WDFY2: variants seen among roughly 807,000 people sequenced by gnomAD.
WDFY2 encodes the protein WD repeat and FYVE domain containing 2, also known as WD repeat and FYVE domain-containing protein 2.
Under a neutral mutation model 56.4 loss-of-function variants are expected in WDFY2, and 36 were observed. That is an observed-to-expected ratio of 0.64 (90% CI 0.49 to 0.84). The LOEUF (loss-of-function observed/expected upper bound fraction) is 0.84. Ranked by LOEUF, WDFY2 falls within the 40% of genes least tolerant of loss-of-function variation. WDFY2 has a pLI of 0.00. For missense variants in WDFY2, 444 were observed against 512.2 expected, an observed-to-expected ratio of 0.87 and a Z score of 1.29; for synonymous variants, 176 against 183.7, an observed-to-expected ratio of 0.96 and a Z score of 0.34.
intron 1 of WDFY2, among the ~76,000 whole-genome samples, chr13:51,637,963 G>A (rs971826836): frequency 3.9e-5 from 6 of 152,180 alleles, no homozygotes; most frequent in Admixed American, 3.3e-4. Context: ...CTAGAGGCTA[G>A]GAATACCTAA....
chr13:51,632,882 T>C (rs1042853291), intron 1 of WDFY2, among the ~76,000 whole-genome samples: 4 of 152,224 alleles, frequency 2.6e-5, no homozygotes, highest in South Asian at 2.1e-4. Flanking sequence ...TTGTTCATTA[T>C]TGGTAACTGA....
chr13:51,673,393 A>G (rs1025221834), intron 2 of WDFY2, among the ~76,000 whole-genome samples: 2 of 152,186 alleles, frequency 1.3e-5, no homozygotes, highest in Non-Finnish European at 2.9e-5. Flanking sequence ...TGAGGCTGCA[A>G]TCGAGTTTTG....
At chr13:51,627,388 A>G (rs1954855907) in intron 1 of WDFY2, among the ~76,000 whole-genome samples, 1 of 151,666 alleles carries the variant, frequency 6.6e-6, no homozygotes, top group Non-Finnish European at 1.5e-5. Flanking sequence ...TCTTTTTTTT[A>G]ATGGAGTCTT....
Position 51,744,143 on chromosome 13 carries a change from G to A in WDFY2, c.725+4968G>A, listed in dbSNP as rs188049432. 4.0e-3 allele frequency among the ~76,000 whole-genome samples: 614 copies of A among 152,330 alleles called. 1 individual carries two copies. Among genetic ancestry groups the A allele is most frequent in the Non-Finnish European group, 6.9e-3 (468 of 68,024 alleles). The stretch of plus-strand genomic sequence containing the variant: ...ACCTCACTTGTGTGGATTGCTCACA[G>A]CCTTCTCTGGTCCTTGGAGCTTGGA... On this transcript the variant is annotated intron_variant, in intron 7 of 11. Transcript: ENST00000298125.
chr13:51,667,879 CTTTTTTT>C (rs66771214), intron 2 of WDFY2, among the ~76,000 whole-genome samples: 28 of 50,046 alleles, frequency 5.6e-4, no homozygotes, highest in African/African-American at 2.2e-3. Context: ...TGAGGAACTT[CTTTTTTT>C]TTTTTTTTTT....
chr13:51,608,174 C>T (rs543438070), intron 1 of WDFY2, among the ~76,000 whole-genome samples: 3 of 152,244 alleles, frequency 2.0e-5, no homozygotes, highest in African/African-American at 4.8e-5. Context: ...TTTTAAGCCA[C>T]AAATTTGTAA....
chr13:51,699,427 G>A (rs1951938897), intron 3 of WDFY2, among the ~76,000 whole-genome samples: 1 of 152,170 alleles, frequency 6.6e-6, no homozygotes, highest in Non-Finnish European at 1.5e-5. Context: ...TCTCCGCTTT[G>A]CTTTGCTTTA....
chr13:51,674,426 C>T (rs1185287531), intron 2 of WDFY2, among the ~76,000 whole-genome samples: 2 of 152,162 alleles, frequency 1.3e-5, no homozygotes, highest in Admixed American at 6.6e-5. Context: ...GTTGACCACA[C>T]GTGGCTTCCA....
intron 1 of WDFY2, among the ~76,000 whole-genome samples, chr13:51,606,084 C>T (rs1954380591): frequency 6.6e-6 from 1 of 152,204 alleles, no homozygotes; most frequent in African/African-American, 2.4e-5. Flanking sequence ...CCTCCACTGA[C>T]TAGCTGTGGG....
chr13:51,659,902 T>C (rs1200864139), intron 1 of WDFY2, among the ~76,000 whole-genome samples: 1 of 152,252 alleles, frequency 6.6e-6, no homozygotes, highest in Non-Finnish European at 1.5e-5. Flanking sequence ...ATTTGATCTC[T>C]TTGTAGTCCC....
At chr13:51,634,987 G>T (rs1955018189) in intron 1 of WDFY2, among the ~76,000 whole-genome samples, 1 of 152,116 alleles carries the variant, frequency 6.6e-6, no homozygotes, top group African/African-American at 2.4e-5. Context: ...TGCCCAGGCT[G>T]GAGTGCAGTG....
chr13:51,593,099 T>TA (rs1225494269), intron 1 of WDFY2, among the ~76,000 whole-genome samples: 1 of 152,274 alleles, frequency 6.6e-6, no homozygotes, highest in East Asian at 1.9e-4. Flanking sequence ...ATTGTAATCA[T>TA]ACACTTTTAT....
chr13:51,745,981 T>C (rs1218339332), intron 7 of WDFY2, among the ~76,000 whole-genome samples: 9 of 141,708 alleles, frequency 6.4e-5, no homozygotes, highest in South Asian at 4.5e-4. Context: ...TTCTTTTTTT[T>C]TTTTTTTTTT....
intron 4 of WDFY2, 90 bp downstream of exon 4, chr13:51,703,740 T>G: frequency 9.0e-7 from 1 of 1,109,814 alleles, no homozygotes; most frequent in Non-Finnish European, 1.3e-6. Context: ...TACTTTACAA[T>G]CATCAGGGAA....
rs115252380 is a variant in WDFY2 at position 51,719,030 on chromosome 13, A to G, written c.335-168A>G. ...CTCAGACACGCCTGTTTAAAGGGGA[A>G]TACCCCCAACCCCCACGAGAACCAC... On this transcript the variant is annotated intron_variant, in intron 4 of 11. Coordinates refer to ENST00000298125, the MANE Select transcript of WDFY2 (RefSeq NM_052950.4). Among the ~76,000 whole-genome samples the G allele has an allele frequency of 9.1e-3, 1,388 of 152,288 alleles. 18 individuals carry two copies. The highest frequency in any genetic ancestry group is 0.032 in the African/African-American group (1,312 of 41,554).
At chr13:51,653,659 G>C (rs1955449557) in intron 1 of WDFY2, among the ~76,000 whole-genome samples, 1 of 152,144 alleles carries the variant, frequency 6.6e-6, no homozygotes, top group Admixed American at 6.5e-5. Flanking sequence ...GTTGGAGTTT[G>C]CCAGAGGTCC....
chr13:51,631,279 T>C (rs867105870), intron 1 of WDFY2, among the ~76,000 whole-genome samples: 13 of 151,446 alleles, frequency 8.6e-5, no homozygotes, highest in South Asian at 2.1e-4. Context: ...TAGTCTCAGC[T>C]ACTTGAGAGA....
At chr13:51,699,349 C>T (rs1480090778) in intron 3 of WDFY2, among the ~76,000 whole-genome samples, 2 of 152,176 alleles carry the variant, frequency 1.3e-5, no homozygotes, top group East Asian at 3.8e-4. Flanking sequence ...CAGAGACTTC[C>T]TGAATGCTGG....
chr13:51,712,570 G>T (rs1055054446), intron 4 of WDFY2, among the ~76,000 whole-genome samples: 1 of 152,078 alleles, frequency 6.6e-6, no homozygotes, highest in Non-Finnish European at 1.5e-5. Context: ...CAGTGACTTT[G>T]ACTTCCACCT....
Sources: allele counts gnomAD v4.1 joint callset (sites outside exome capture counted in the v4.1 genomes callset), GRCh38; gene constraint gnomAD v4.1.1; transcripts MANE v1.5; gene names NCBI Gene and HGNC (gene_info 2026-07-23, HGNC 2026-07-21).